The following SP6 variants were observed in gnomAD, a reference collection of about 807,000 sequenced individuals.
The protein encoded by SP6 is Sp6 transcription factor.
A neutral mutation model predicts 23.4 loss-of-function variants in SP6; 10 were observed. The observed-to-expected ratio is 0.43, with a 90% CI of 0.26 to 0.72. The LOEUF is 0.72. Among genes scored for constraint, SP6 ranks in the 30% least tolerant of loss-of-function variants. SP6 has a pLI of 0.23. For synonymous variants in SP6, 238 were observed against 238.7 expected (o/e 1.00, Z 0.03); for missense variants, 482 against 523.8 (o/e 0.92, Z 0.78).
chr17:47,875,688 C>T, the SP6 span, among the ~76,000 whole-genome samples: 1 of 152,190 alleles, frequency 6.6e-6, no homozygotes, highest in Non-Finnish European at 1.5e-5. Flanking sequence ...TTCAGGGAAA[C>T]CGAGGGTGGA....
Position 47,848,206 on chromosome 17 carries a change from C to A in SP6, c.224G>T (p.Arg75Leu), listed in dbSNP as rs1164331300. The change falls in exon 2 of 2, where the codon CGG (arginine) becomes CTG (leucine). Residue 75 changes from arginine (R) to leucine (L), a missense_variant. Physicochemically the swap from Arg to Leu is moderately radical, Grantham distance 102. Around this residue, in one of 3 missense-constraint regions of SP6, gnomAD observed 330 missense variants for 332.3 expected, o/e 0.99. Transcript: ENST00000536300. This position sits in a 1 kb window ranked among gnomAD's most constrained non-coding sequence, Gnocchi z 5.3. ...QGYELPGASS[R>L]VTCEDLESDS... ...GCTTTCCAGGTCCTCGCAGGTTACC[C>A]GCGAGGAGGCCCCTGGCAGCTCATA... 1 of 1,612,852 alleles carries A rather than the reference C, an allele frequency of 6.2e-7. No homozygotes were observed. Among genetic ancestry groups the A allele is most frequent in the Admixed American group, 1.7e-5 (1 of 60,020 alleles).
At chr17:47,869,647 A>G in the SP6 span, among the ~76,000 whole-genome samples, 1 of 151,442 alleles carries the variant, frequency 6.6e-6, no homozygotes, top group Non-Finnish European at 1.5e-5. Flanking sequence ...CACCTACTTG[A>G]AGGTCAAAAA....
At chr17:47,857,294 G>C (rs369143501), upstream of SP6, among the ~76,000 whole-genome samples, 1 of 152,180 alleles carries the variant, frequency 6.6e-6, no homozygotes, top group African/African-American at 2.4e-5. Context: ...GACCACACAG[G>C]TGGAGTAAAT....
intron 1 of SP6, among the ~76,000 whole-genome samples, chr17:47,849,738 C>A (rs1876503250): frequency 6.6e-6 from 1 of 152,228 alleles, no homozygotes; most frequent in South Asian, 2.1e-4. Context: ...CCTTAGAACG[C>A]TAAAGACCCC....
Position 47,845,463 on chromosome 17 carries a change from G to A in SP6, c.*1836C>T, listed in dbSNP as rs983037269. ...ACTACCCCAGGCCAATGAGTTCCTC[G>A]GGAAGGTCATCCTGTCCCTTTTAAG... is the stretch of plus-strand genomic sequence containing the variant. On this transcript the variant is annotated 3_prime_UTR_variant, in exon 2 of 2. Transcript: ENST00000536300. The A allele has an allele frequency of 6.6e-6, 1 of 152,198 alleles. No individual in the cohort carries two copies. The highest frequency in any genetic ancestry group is 2.1e-4 in the South Asian group (1 of 4,818). The allele number at this position is 152,198 out of a possible 1,614,324, so 9.4% of individuals were successfully genotyped here.
chr17:47,860,947 C>T, the SP6 span, among the ~76,000 whole-genome samples: 4 of 152,128 alleles, frequency 2.6e-5, no homozygotes, highest in African/African-American at 7.2e-5. Context: ...GCCACCAACC[C>T]GCAGCCAGGG....
chr17:47,873,881 CTCCTCT>C, the SP6 span, among the ~76,000 whole-genome samples: 1 of 141,046 alleles, frequency 7.1e-6, no homozygotes, highest in Non-Finnish European at 1.6e-5. Context: ...CCTCCTCCCC[CTCCTCT>C]TCTTCTTCCT....
upstream of SP6, among the ~76,000 whole-genome samples, chr17:47,853,523 T>C (rs1185690545): frequency 6.6e-6 from 1 of 152,220 alleles, no homozygotes; most frequent in Admixed American, 6.5e-5. Flanking sequence ...TGCTAAAGCC[T>C]GTGCAGGGGT....
the SP6 span, among the ~76,000 whole-genome samples, chr17:47,868,912 A>C: frequency 1.8e-4 from 28 of 152,348 alleles, no homozygotes; most frequent in East Asian, 5.4e-3. Flanking sequence ...CTTTGAAAGC[A>C]GGTGAGATCC....
At chr17:47,872,711 G>A in the SP6 span, among the ~76,000 whole-genome samples, 2 of 152,208 alleles carry the variant, frequency 1.3e-5, no homozygotes, top group African/African-American at 4.8e-5. Context: ...GTGGGGTGCA[G>A]AGACCCCTCT....
At chr17:47,869,979 C>G in the SP6 span, among the ~76,000 whole-genome samples, 1 of 152,176 alleles carries the variant, frequency 6.6e-6, no homozygotes, top group Non-Finnish European at 1.5e-5. Flanking sequence ...ACATTTGTCT[C>G]TTTCCTCAGT....
chr17:47,852,442 T>A (rs1037819490), upstream of SP6, among the ~76,000 whole-genome samples: 1 of 152,164 alleles, frequency 6.6e-6, no homozygotes, highest in East Asian at 1.9e-4. Context: ...CACAGGGGAA[T>A]GCAGATTAAT....
intron 1 of SP6, among the ~76,000 whole-genome samples, chr17:47,849,300 G>A (rs1567961528): frequency 6.6e-6 from 1 of 152,204 alleles, no homozygotes. Flanking sequence ...TGCTAGGGGA[G>A]GCCCAGATAG....
chr17:47,865,402 G>T, the SP6 span, among the ~76,000 whole-genome samples: 18 of 152,086 alleles, frequency 1.2e-4, no homozygotes, highest in African/African-American at 4.3e-4. Flanking sequence ...ACCAGGGAAA[G>T]TGTCCAAGAA....
At position 47,848,006 on chromosome 17, in the gene SP6, G is replaced by A; in HGVS notation, c.424C>T (p.Pro142Ser). ...GCCTGAAGCGCCCCCGGGTGGCCAGGTGAGGTCAGCGCGCCCTGAGTGTGG... is the reference window on the plus strand; with the variant it reads ...GCCTGAAGCGCCCCCGGGTGGCCAGATGAGGTCAGCGCGCCCTGAGTGTGG... ...LPHTQGALTSPGHPGALQAGL... is the reference protein window; with the variant it reads ...LPHTQGALTSSGHPGALQAGL... Residue 142 changes from proline to serine, a missense_variant, in exon 2 of 2, where the codon CCT becomes TCT. Around this residue, in one of 3 missense-constraint regions of SP6, gnomAD observed 330 missense variants for 332.3 expected, o/e 0.99. Coordinates refer to ENST00000536300, the MANE Select transcript of SP6 (RefSeq NM_001258248.2). This position sits in a 1 kb window ranked among gnomAD's most constrained non-coding sequence, Gnocchi z 5.3. 1 of 1,605,630 alleles carries A rather than the reference G, an allele frequency of 6.2e-7. No homozygotes were observed. The highest frequency in any genetic ancestry group is 8.5e-7 in the Non-Finnish European group (1 of 1,176,408).
At position 47,846,176 on chromosome 17, in the gene SP6, G is replaced by C. The variant is rs1188774022; in HGVS notation, c.*1123C>G. 6.6e-6 allele frequency: 1 copy of C among 152,212 alleles called. No individual in the cohort carries two copies. Among genetic ancestry groups the C allele is most frequent in the Admixed American group, 6.5e-5 (1 of 15,282 alleles). The allele number at this position is 152,212 out of a possible 1,614,324, so 9.4% of individuals were successfully genotyped here. ...ATGAACATGCTATGGCAGGGGCAAG[G>C]GAAAGACAAGGGCCAAGCTAGAGAG... On this transcript the variant is annotated 3_prime_UTR_variant, in exon 2 of 2. Coordinates refer to ENST00000536300, the MANE Select transcript of SP6 (RefSeq NM_001258248.2).
At chr17:47,856,740 T>G (rs2034001012), upstream of SP6, among the ~76,000 whole-genome samples, 1 of 151,994 alleles carries the variant, frequency 6.6e-6, no homozygotes, top group Non-Finnish European at 1.5e-5. Context: ...GCCTGGGGAC[T>G]TTTCACGGGA....
the SP6 span, among the ~76,000 whole-genome samples, chr17:47,869,617 G>A: frequency 3.3e-5 from 5 of 152,272 alleles, no homozygotes; most frequent in Admixed American, 2.0e-4. Flanking sequence ...CTCTAAAGGC[G>A]TAAACACAGT....
chr17:47,854,666 C>T (rs1598063588), upstream of SP6, among the ~76,000 whole-genome samples: 2 of 152,170 alleles, frequency 1.3e-5, no homozygotes, highest in African/African-American at 4.8e-5. Context: ...ACTTGTGATC[C>T]CTTCCAAACT....
Sources: gnomAD v4.1 joint callset for allele counts (sites outside exome capture counted in the v4.1 genomes callset) on GRCh38, gnomAD v4.1.1 for gene constraint, gnomAD v4.1.1 regional missense constraint, Gnocchi (gnomAD v3.1) non-coding constraint, MANE v1.5 for transcripts, NCBI Gene and HGNC (gene_info 2026-07-23, HGNC 2026-07-21) for gene names.